ZNF605: variants seen among roughly 807,000 people sequenced by gnomAD.
ZNF605 encodes the protein zinc finger protein 605.
A neutral mutation model predicts 7.9 loss-of-function variants in ZNF605; 9 were observed. The observed-to-expected ratio is 1.14, with a 90% CI of 0.68 to 1.98. The LOEUF (loss-of-function observed/expected upper bound fraction) is 1.98. ZNF605 is among the 30% of genes most tolerant of loss of function. The pLI is 0.00. For synonymous variants in ZNF605, 255 were observed against 260.1 expected (o/e 0.98, Z 0.19); for missense variants, 673 against 762.4 (o/e 0.88, Z 1.38).
chr12:132,945,232 G>A lies in ZNF605; in HGVS notation c.15+389C>T, dbSNP rs888846954. The A allele has an allele frequency of 2.7e-5, 17 of 631,196 alleles. No individual in the cohort carries two copies. The Middle Eastern group carries it at 3.4e-3, about 128-fold the overall frequency. The allele number at this position is 631,196 out of a possible 1,614,324, so 39.1% of individuals were successfully genotyped here. A position where few individuals can be genotyped will look rare whatever the true frequency, so the allele number is the denominator to read the frequency against. On this transcript the variant is annotated intron_variant, in intron 3 of 4. Coordinates refer to ENST00000360187, the MANE Select transcript of ZNF605 (RefSeq NM_183238.4). ...GCCCTCCTCGGCCTCCCAAAGGGCT[G>A]GGATTACAGGCATGAGCCACCATGC...
chr12:132,953,923 C>T (rs1952602210), intron 1 of ZNF605, among the ~76,000 whole-genome samples: 1 of 152,152 alleles, frequency 6.6e-6, no homozygotes, highest in African/African-American at 2.4e-5. Flanking sequence ...GACCTCACTG[C>T]CCACCCCATC....
intron 1 of ZNF605, among the ~76,000 whole-genome samples, chr12:132,951,836 CAT>C (rs1952573826): frequency 1.2e-4 from 18 of 152,000 alleles, no homozygotes; most frequent in Middle Eastern, 3.4e-3. Context: ...CACACATACA[CAT>C]ACACGCATAC....
chr12:132,942,790 A>T (rs1420000761), intron 3 of ZNF605, among the ~76,000 whole-genome samples: 1 of 152,164 alleles, frequency 6.6e-6, no homozygotes, highest in African/African-American at 2.4e-5. Flanking sequence ...AAGAAGATTC[A>T]CACAGATTCT....
intron 3 of ZNF605, among the ~76,000 whole-genome samples, chr12:132,939,089 T>C (rs1952402545): frequency 6.6e-6 from 1 of 151,726 alleles, no homozygotes; most frequent in African/African-American, 2.4e-5. Context: ...CACCACCCCC[T>C]GCTCCACGGC....
At chr12:132,937,329 A>C (rs922799129) in intron 3 of ZNF605, among the ~76,000 whole-genome samples, 14 of 146,858 alleles carry the variant, frequency 9.5e-5, no homozygotes, top group Non-Finnish European at 1.6e-4. Flanking sequence ...ATTGCACTCC[A>C]GCCTGGGCGA....
chr12:132,949,866 G>A (rs1952539351), intron 1 of ZNF605, among the ~76,000 whole-genome samples: 1 of 152,186 alleles, frequency 6.6e-6, no homozygotes, highest in Non-Finnish European at 1.5e-5. Flanking sequence ...TCGCCCGTTC[G>A]CAGCTGAAGT....
intron 1 of ZNF605, among the ~76,000 whole-genome samples, chr12:132,953,362 C>G (rs1952592896): frequency 1.3e-5 from 2 of 152,212 alleles, no homozygotes; most frequent in South Asian, 4.1e-4. Context: ...CCAGAAACAC[C>G]TGACCACAGA....
chr12:132,935,977 C>T (rs55817052), intron 3 of ZNF605, among the ~76,000 whole-genome samples: 23,500 of 147,844 alleles, frequency 0.16, 1,962 homozygotes, highest in Non-Finnish European at 0.18. Context: ...AGGAGAATGG[C>T]GTGAACCCAG....
chr12:132,945,050 C>A (rs1225656097), intron 3 of ZNF605: 11 of 264,400 alleles, frequency 4.2e-5, no homozygotes, highest in Non-Finnish European at 6.6e-5. Context: ...TGCACTGATG[C>A]GATCTCAGCT....
At chr12:132,955,303 A>C (rs967148764) in intron 1 of ZNF605, among the ~76,000 whole-genome samples, 1 of 152,176 alleles carries the variant, frequency 6.6e-6, no homozygotes, top group African/African-American at 2.4e-5. Context: ...GAGCGGGGAA[A>C]GCTTGACCCT....
chr12:132,950,003 GCTC>G lies in ZNF605; in HGVS notation c.-285-1736_-285-1734del, dbSNP rs1265612220. ...CCAGAGATTGGCATCCAAAGACGCAGCTCCTCCTGAGACGCCTGGGAGCTCCTT... is the reference window on the plus strand; with the variant it reads ...CCAGAGATTGGCATCCAAAGACGCAGCTCCTGAGACGCCTGGGAGCTCCTT... On this transcript the variant is annotated intron_variant, in intron 1 of 4. Transcript: ENST00000360187. Among the ~76,000 whole-genome samples the G allele has an allele frequency of 2.6e-5, 4 of 152,120 alleles. No individual in the cohort carries two copies. The Middle Eastern group carries it at 0.01, about 388-fold the overall frequency.
At chr12:132,929,877 G>A (rs1175693889) in intron 4 of ZNF605, among the ~76,000 whole-genome samples, 6 of 152,154 alleles carry the variant, frequency 3.9e-5, no homozygotes, top group East Asian at 3.9e-4. Context: ...CCCGGGAGTC[G>A]GAGGTTGTAG....
chr12:132,925,853 G>A lies in ZNF605; in HGVS notation c.1446C>T (p.Cys482=). 2 of 1,614,030 alleles carry A rather than the reference G, an allele frequency of 1.2e-6. No individual in the cohort carries two copies. Among genetic ancestry groups the A allele is most frequent in the Non-Finnish European group, 1.7e-6 (2 of 1,179,976 alleles). Residue 482 remains cysteine, a synonymous_variant, in exon 5 of 5, where the codon TGC becomes TGT. Transcript: ENST00000360187. ...TGEKPYECSE[C]RKTFSEKSSL... ...TTGACTTCTCACTGAAGGTTTTCCT[G>A]CATTCACTGCATTCATAGGGTTTCT...
At chr12:132,955,715 C>T (rs1310961264) in intron 1 of ZNF605, among the ~76,000 whole-genome samples, 1 of 152,012 alleles carries the variant, frequency 6.6e-6, no homozygotes, top group Non-Finnish European at 1.5e-5. Flanking sequence ...CCAACGCAGG[C>T]CCCCGCAGAA....
At chr12:132,952,450 C>CA (rs76640666) in intron 1 of ZNF605, among the ~76,000 whole-genome samples, 7,440 of 88,492 alleles carry the variant, frequency 0.084, 286 homozygotes, top group African/African-American at 0.14. Context: ...GACTCTGTCT[C>CA]AAAAAAAAAA....
At position 132,925,356 on chromosome 12, in the gene ZNF605, C is replaced by T. The variant is rs538691984; in HGVS notation, c.*17G>A. On this transcript the variant is annotated 3_prime_UTR_variant, in exon 5 of 5. Transcript: ENST00000360187. ...CACTTGATAGCAACCTTTCTGCATT[C>T]GCCAAAGTCATGATTTTTATATTAT... 46 of 1,539,112 alleles carry T rather than the reference C, an allele frequency of 3.0e-5. 1 individual carries two copies. The highest frequency in any genetic ancestry group is 8.8e-5 in the South Asian group (7 of 79,758).
chr12:132,943,402 G>GT (rs1334362904), intron 3 of ZNF605, among the ~76,000 whole-genome samples: 1 of 151,732 alleles, frequency 6.6e-6, no homozygotes, highest in Non-Finnish European at 1.5e-5. Context: ...ATGTTCAGGT[G>GT]TAAGCACAGG....
chr12:132,946,906 G>A (rs978295771), intron 2 of ZNF605, among the ~76,000 whole-genome samples: 1 of 152,330 alleles, frequency 6.6e-6, no homozygotes, highest in Non-Finnish European at 1.5e-5. Flanking sequence ...ACCCCGAGGG[G>A]AATGTGTGCT....
chr12:132,935,786 G>A (rs1169644045), intron 3 of ZNF605, among the ~76,000 whole-genome samples: 5 of 151,642 alleles, frequency 3.3e-5, no homozygotes, highest in South Asian at 2.1e-4. Flanking sequence ...CCAGCTACTC[G>A]GGAGGCTGAG....
Sources: allele counts gnomAD v4.1 joint callset (sites outside exome capture counted in the v4.1 genomes callset), GRCh38; gene constraint gnomAD v4.1.1; transcripts MANE v1.5; gene names NCBI Gene and HGNC (gene_info 2026-07-23, HGNC 2026-07-21).